The following ZNF892 variants were observed in gnomAD, a reference collection of about 807,000 sequenced individuals.
ZNF892 encodes zinc finger protein 570-like.
the ZNF892 span, among the ~76,000 whole-genome samples, chr2:95,250,422 G>A: frequency 1.3e-5 from 2 of 151,374 alleles, no homozygotes; most frequent in South Asian, 2.1e-4. Flanking sequence ...ATATGAACAT[G>A]AAAAACATTT....
At chr2:95,254,202 A>G in the ZNF892 span, among the ~76,000 whole-genome samples, 1 of 152,200 alleles carries the variant, frequency 6.6e-6, no homozygotes, top group Admixed American at 6.5e-5. Flanking sequence ...ATTCAGTATG[A>G]TATTGGCTGT....
the ZNF892 span, among the ~76,000 whole-genome samples, chr2:95,261,062 C>T: frequency 6.6e-6 from 1 of 152,150 alleles, no homozygotes; most frequent in East Asian, 1.9e-4. Flanking sequence ...GACAGAACCC[C>T]ATATGATGTT....
chr2:95,255,771 G>C, the ZNF892 span, among the ~76,000 whole-genome samples: 96 of 152,216 alleles, frequency 6.3e-4, no homozygotes, highest in African/African-American at 2.1e-3. Context: ...TCCTGTATTG[G>C]GTGCATATAT....
At chr2:95,226,097 A>G in the ZNF892 span, among the ~76,000 whole-genome samples, 1 of 152,096 alleles carries the variant, frequency 6.6e-6, no homozygotes, top group Non-Finnish European at 1.5e-5. Flanking sequence ...GGGGGACTTT[A>G]TGCAGTGGCT....
At chr2:95,227,558 A>G in the ZNF892 span, among the ~76,000 whole-genome samples, 1 of 151,846 alleles carries the variant, frequency 6.6e-6, no homozygotes, top group Non-Finnish European at 1.5e-5. Context: ...TCTGGGCTCA[A>G]GTGATCACCT....
At chr2:95,254,993 C>A in the ZNF892 span, among the ~76,000 whole-genome samples, 1 of 152,168 alleles carries the variant, frequency 6.6e-6, no homozygotes, top group South Asian at 2.1e-4. Flanking sequence ...GTCTTGCTAG[C>A]GGTCTATCAA....
the ZNF892 span, among the ~76,000 whole-genome samples, chr2:95,224,867 C>T: frequency 6.6e-6 from 1 of 152,198 alleles, no homozygotes. Context: ...TCTGTTATCA[C>T]AGGAGTGGGT....
chr2:95,253,918 G>T, the ZNF892 span, among the ~76,000 whole-genome samples: 1 of 152,114 alleles, frequency 6.6e-6, no homozygotes, highest in Non-Finnish European at 1.5e-5. Context: ...TGTGATTTTT[G>T]CACATTGATT....
At chr2:95,214,260 A>G in the ZNF892 span, 1 of 397,526 alleles carries the variant, frequency 2.5e-6, no homozygotes, top group Non-Finnish European at 4.4e-6. Flanking sequence ...AACATGTTTC[A>G]TTAATTTCCT....
At chr2:95,208,075 A>G in the ZNF892 span, among the ~76,000 whole-genome samples, 1 of 152,216 alleles carries the variant, frequency 6.6e-6, no homozygotes, top group Non-Finnish European at 1.5e-5. Context: ...TTGGCTTTTG[A>G]TAATGACTTC....
the ZNF892 span, among the ~76,000 whole-genome samples, chr2:95,261,250 T>A: frequency 6.6e-6 from 1 of 151,872 alleles, no homozygotes; most frequent in South Asian, 2.1e-4. Flanking sequence ...TCTGTGGCAC[T>A]TACCTTCCTT....
chr2:95,244,941 T>A, the ZNF892 span, among the ~76,000 whole-genome samples: 1 of 152,158 alleles, frequency 6.6e-6, no homozygotes, highest in Non-Finnish European at 1.5e-5. Flanking sequence ...GAATGACTCT[T>A]GGGTAAATCA....
the ZNF892 span, among the ~76,000 whole-genome samples, chr2:95,239,589 CAA>C: frequency 1.3e-5 from 2 of 151,800 alleles, no homozygotes; most frequent in Non-Finnish European, 2.9e-5. Flanking sequence ...CCTCCACCAG[CAA>C]AAAGATAGTT....
At chr2:95,217,576 A>T in the ZNF892 span, among the ~76,000 whole-genome samples, 1 of 152,224 alleles carries the variant, frequency 6.6e-6, no homozygotes, top group Non-Finnish European at 1.5e-5. Context: ...GTGCTTCCAA[A>T]ATACATTTGT....
the ZNF892 span, among the ~76,000 whole-genome samples, chr2:95,217,544 C>T: frequency 6.6e-6 from 1 of 152,186 alleles, no homozygotes; most frequent in Non-Finnish European, 1.5e-5. Context: ...CAGCTGTGAA[C>T]CTGTGAAACC....
chr2:95,250,193 A>T, the ZNF892 span, among the ~76,000 whole-genome samples: 1 of 152,050 alleles, frequency 6.6e-6, no homozygotes, highest in African/African-American at 2.4e-5. Context: ...ATGTCAAGCA[A>T]TCTATTTTTA....
At chr2:95,233,990 T>G in the ZNF892 span, among the ~76,000 whole-genome samples, 13 of 152,336 alleles carry the variant, frequency 8.5e-5, no homozygotes, top group Middle Eastern at 3.4e-3. Context: ...CATTTCTTAA[T>G]TTTGAGAATA....
the ZNF892 span, among the ~76,000 whole-genome samples, chr2:95,225,676 A>C: frequency 1.3e-5 from 2 of 152,216 alleles, no homozygotes; most frequent in Non-Finnish European, 2.9e-5. Flanking sequence ...AAATACATTC[A>C]TTCCATCCCA....
the ZNF892 span, among the ~76,000 whole-genome samples, chr2:95,227,969 ACTGT>A: frequency 2.6e-5 from 4 of 152,226 alleles, no homozygotes; most frequent in African/African-American, 7.2e-5. Context: ...ATGCAAGATT[ACTGT>A]CTAACACACA....
Sources: allele counts gnomAD v4.1 joint callset (sites outside exome capture counted in the v4.1 genomes callset), GRCh38; gene constraint gnomAD v4.1.1; transcripts MANE v1.5; gene names NCBI Gene and HGNC (gene_info 2026-07-23, HGNC 2026-07-21).